Variants in BNIP2 observed in about 807,000 individuals in gnomAD.
BNIP2 encodes BCL2 interacting protein 2.
BNIP2 carries 36 observed loss-of-function variants against 43.4 expected under a neutral mutation model. That is an observed-to-expected ratio of 0.83 (90% confidence interval 0.64 to 1.10). BNIP2 has a LOEUF of 1.10. BNIP2 is among the 50% of genes least tolerant of loss of function. BNIP2 has a pLI of 0.00. For missense variants in BNIP2, 417 were observed against 374.1 expected, an observed-to-expected ratio of 1.11 and a Z score of -0.95; for synonymous variants, 146 against 121.0, an observed-to-expected ratio of 1.21 and a Z score of -1.35.
intron 9 of BNIP2, among the ~76,000 whole-genome samples, chr15:59,667,284 A>G (rs1232193116): frequency 6.6e-6 from 1 of 152,226 alleles, no homozygotes; most frequent in African/African-American, 2.4e-5. Context: ...GCTCCTTAGA[A>G]TGGTCAAGAT....
intron 1 of BNIP2, chr15:59,688,748 T>C (rs1384208640): frequency 6.5e-6 from 10 of 1,535,610 alleles, no homozygotes; most frequent in Non-Finnish European, 8.7e-6. Context: ...TCCAAGTTTC[T>C]TTGTTCTGTA....
In BNIP2 at chr15:59,689,190, G is replaced by A. The variant is rs746300976; in HGVS notation, c.-113C>T. ...TTCGCCCCTCCAGGCCGGCGACGTG[G>A]GGCTGACGGCCAGGTCGCAAAAAGC... On this transcript the variant is annotated 5_prime_UTR_variant, in exon 1 of 10. Transcript: ENST00000607373. 1.9e-6 allele frequency: 3 copies of A among 1,539,370 alleles called. No individual in the cohort carries two copies. Among genetic ancestry groups the A allele is most frequent in the Admixed American group, 3.9e-5 (2 of 50,960 alleles).
intron 1 of BNIP2, chr15:59,688,815 C>T: frequency 2.0e-6 from 3 of 1,535,096 alleles, no homozygotes; most frequent in Non-Finnish European, 2.6e-6. Context: ...ACTTCACCCA[C>T]ACCAGGGTAA....
chr15:59,663,451 T>C lies in BNIP2; in HGVS notation c.*618A>G, dbSNP rs899795355. 7.2e-5 allele frequency: 11 copies of C among 152,596 alleles called. No homozygotes were observed. The highest frequency in any genetic ancestry group is 2.4e-4 in the African/African-American group (10 of 41,440). 9.5% of individuals were successfully genotyped at this position (152,596 alleles called of 1,614,324 possible). On this transcript the variant is annotated 3_prime_UTR_variant, in exon 10 of 10. Coordinates refer to ENST00000607373, the MANE Select transcript of BNIP2 (RefSeq NM_004330.4). ...TGTACTTGCTGAATTATGAAACAAA[T>C]ATGTTAAATGAGAAAAAAACCTTGG...
intron 4 of BNIP2, chr15:59,678,410 A>G (rs1347838675): frequency 9.3e-7 from 1 of 1,074,510 alleles, no homozygotes; most frequent in Non-Finnish European, 1.1e-6. Context: ...ATGCCTTTCC[A>G]GATTCAACTT....
intron 3 of BNIP2, 36 bp from the exon 4 acceptor site, chr15:59,679,804 A>T: frequency 1.4e-6 from 2 of 1,439,940 alleles, no homozygotes; most frequent in Non-Finnish European, 1.8e-6. Context: ...ATACGTAACA[A>T]GGAATGCTTA....
rs1207001522 is a variant in BNIP2, at chr15:59,680,253, C to G, written c.106G>C (p.Glu36Gln). The change falls in exon 3 of 10, where the codon GAG becomes CAG. Residue 36 changes from glutamate to glutamine, a missense_variant. Glu to Gln is a conservative substitution (Grantham distance 29, BLOSUM62 2). Coordinates refer to ENST00000607373, the MANE Select transcript of BNIP2 (RefSeq NM_004330.4). ...EADILAITGP[E>Q]DQPGSLEVNG... ...GTCAAGCTCTTACCAGGCTGGTCCT[C>G]TGGTCCAGTTATAGCTAGTATATCT... is the stretch of plus-strand genomic sequence containing the variant. The G allele has an allele frequency of 1.9e-6, 3 of 1,595,550 alleles. No individual in the cohort carries two copies. Among genetic ancestry groups the G allele is most frequent in the East Asian group, 4.5e-5 (2 of 44,532 alleles).
chr15:59,662,615 C>A lies in BNIP2; in HGVS notation c.*1454G>T, dbSNP rs1291528895. The stretch of plus-strand genomic sequence containing the variant: ...GTTTGTAAGTACATGAGAATGGTCA[C>A]AGCCACATGTGTGTTCAATCTAGGA... On this transcript the variant is annotated 3_prime_UTR_variant, in exon 10 of 10. Coordinates refer to ENST00000607373, the MANE Select transcript of BNIP2 (RefSeq NM_004330.4). The A allele has an allele frequency of 6.6e-6, 1 of 152,232 alleles. No homozygotes were observed. Among genetic ancestry groups the A allele is most frequent in the Non-Finnish European group, 1.5e-5 (1 of 68,042 alleles). 9.4% of individuals were successfully genotyped at this position (152,232 alleles called of 1,614,324 possible).
At chr15:59,680,120 A>C in intron 3 of BNIP2, 121 bp downstream of exon 3, 1 of 830,638 alleles carries the variant, frequency 1.2e-6, no homozygotes, top group Non-Finnish European at 1.8e-6. Context: ...TGTTCAACTT[A>C]TACTTTGACT....
rs376308658 is a variant in BNIP2, at chr15:59,687,311, G to A, written c.-58+1824C>T. On this transcript the variant is annotated intron_variant, in intron 1 of 9. Coordinates refer to ENST00000607373, the MANE Select transcript of BNIP2 (RefSeq NM_004330.4). ...ATACTAGTATTCTGCTTTATAGGAT[G>A]TAAACTTACTTCATAGGATGTAACA... 6.6e-5 allele frequency among the ~76,000 whole-genome samples: 10 copies of A among 150,416 alleles called. No homozygotes were observed. In the East Asian group the frequency reaches 1.8e-3, roughly 26 times the overall value.
intron 4 of BNIP2, 26 bp downstream of exon 4, chr15:59,679,566 C>T: frequency 1.3e-6 from 2 of 1,598,146 alleles, no homozygotes; most frequent in East Asian, 2.2e-5. Flanking sequence ...TAATAAAGAT[C>T]AGATTAAAAA....
chr15:59,686,230 G>A lies in BNIP2; in HGVS notation c.-58+2905C>T, dbSNP rs577524418. 5.3e-5 allele frequency among the ~76,000 whole-genome samples: 8 copies of A among 152,298 alleles called. No homozygotes were observed. The South Asian group carries it at 1.7e-3, about 32-fold the overall frequency. On this transcript the variant is annotated intron_variant, in intron 1 of 9. Coordinates refer to ENST00000607373, the MANE Select transcript of BNIP2 (RefSeq NM_004330.4). The stretch of plus-strand genomic sequence containing the variant: ...GAAGCAGCTTTCCCCAGGCAGTTTA[G>A]CAACATAAGCAAAAATTAAATGTTA...
rs1158550100 is a variant in BNIP2, at chr15:59,679,764, T to C, written c.123A>G (p.Ser41=). ...AITGPEDQPG[S]LEVNGNKVRK... ...TCACTTTATTTCCATTAACTTCTAG[T>C]GAGCCTGGAATTGGAAAATAAAGAA... Residue 41 remains serine (S), a synonymous_variant, in exon 4 of 10, where the codon TCA becomes TCG. Transcript: ENST00000607373. The C allele has an allele frequency of 2.7e-6, 4 of 1,508,268 alleles. No homozygotes were observed. Among genetic ancestry groups the C allele is most frequent in the South Asian group, 2.7e-5 (2 of 75,244 alleles). The allele number at this position is 1,508,268 out of a possible 1,614,324, so 93.4% of individuals were successfully genotyped here.
rs1221378269 is a variant in BNIP2 at position 59,663,150 on chromosome 15, G to C, written c.*919C>G. The C allele has an allele frequency of 6.6e-6, 1 of 152,600 alleles. No individual in the cohort carries two copies. Among genetic ancestry groups the C allele is most frequent in the Admixed American group, 6.5e-5 (1 of 15,278 alleles). 9.5% of individuals were successfully genotyped at this position (152,600 alleles called of 1,614,324 possible). A position where few individuals can be genotyped will look rare whatever the true frequency, so the allele number is the denominator to read the frequency against. ...GCAGCCCCTGTTTTCTATAGAAAAA[G>C]TTGTGACAGTGAATAACTCATCACA... On this transcript the variant is annotated 3_prime_UTR_variant, in exon 10 of 10. Coordinates refer to ENST00000607373, the MANE Select transcript of BNIP2 (RefSeq NM_004330.4).
Position 59,672,625 on chromosome 15 carries a change from A to G in BNIP2, c.575+12T>C. On this transcript the variant is annotated intron_variant, in intron 6 of 9. Coordinates refer to ENST00000607373, the MANE Select transcript of BNIP2 (RefSeq NM_004330.4). ...AATTCTGTCCAAATGTTTTTGTTTA[A>G]TATATACTTACTTAAAAAGATTGTC... 6.3e-7 allele frequency: 1 copy of G among 1,590,992 alleles called. No individual in the cohort carries two copies. Among genetic ancestry groups the G allele is most frequent in the Middle Eastern group, 1.7e-4 (1 of 6,004 alleles).
At chr15:59,672,339 T>A (rs950030060) in intron 6 of BNIP2, 2 of 216,148 alleles carry the variant, frequency 9.3e-6, no homozygotes, top group Admixed American at 5.6e-5. Flanking sequence ...AGTGGCAAAA[T>A]CACAGTTCAC....
At position 59,661,711 on chromosome 15, in the gene BNIP2, C is replaced by G. The variant is rs914041981; in HGVS notation, c.*2358G>C. ...CCCAACAGAAAGATAAAAGTACAAT[C>G]ACATATACTTTCACCTTGGTCAGTA... On this transcript the variant is annotated 3_prime_UTR_variant, in exon 10 of 10. Coordinates refer to ENST00000607373, the MANE Select transcript of BNIP2 (RefSeq NM_004330.4). 6.6e-6 allele frequency: 1 copy of G among 152,204 alleles called. No individual in the cohort carries two copies. Among genetic ancestry groups the G allele is most frequent in the Non-Finnish European group, 1.5e-5 (1 of 68,044 alleles). 9.4% of individuals were successfully genotyped at this position (152,204 alleles called of 1,614,324 possible). A position where few individuals can be genotyped will look rare whatever the true frequency, so the allele number is the denominator to read the frequency against.
At chr15:59,678,829 A>T in intron 4 of BNIP2, 1 of 1,303,376 alleles carries the variant, frequency 7.7e-7, no homozygotes, top group Non-Finnish European at 1.0e-6. Context: ...TCCTTCCAGG[A>T]AATGACTACA....
intron 2 of BNIP2, 141 bp from the exon 3 acceptor site, chr15:59,680,449 C>G (rs1299173450): frequency 1.7e-6 from 1 of 603,724 alleles, no homozygotes; most frequent in Non-Finnish European, 2.7e-6. Context: ...GAGACAGGGT[C>G]TTGCTGTCTG....
Sources: allele counts gnomAD v4.1 joint callset (sites outside exome capture counted in the v4.1 genomes callset), GRCh38; gene constraint gnomAD v4.1.1; transcripts MANE v1.5; gene names NCBI Gene and HGNC (gene_info 2026-07-23, HGNC 2026-07-21).